The following RGP1 variants were observed in gnomAD, a reference collection of about 807,000 sequenced individuals.
RGP1 encodes the protein RGP1 partner of RAB6A GEF complex, also known as RAB6A-GEF complex partner protein 2.
Under a neutral mutation model 44.5 loss-of-function variants are expected in RGP1, and 28 were observed. The ratio of observed to expected loss-of-function variants is 0.63; its 90% confidence interval spans 0.47 to 0.86. The LOEUF is 0.86. Among genes scored for constraint, RGP1 ranks in the 40% least tolerant of loss-of-function variants. The pLI is 0.00. For missense variants in RGP1, 417 were observed against 490.7 expected (o/e 0.85, Z 1.42); for synonymous variants, 212 against 196.7 (o/e 1.08, Z -0.65).
chr9:35,787,705 G>A, the RGP1 span, among the ~76,000 whole-genome samples: 3 of 152,230 alleles, frequency 2.0e-5, no homozygotes, highest in African/African-American at 7.2e-5. Flanking sequence ...AATAAAGAAT[G>A]CAGAATTTGA....
In RGP1 at chr9:35,752,182, G is replaced by A. The variant is rs1432241738; in HGVS notation, c.952+37G>A. On this transcript the variant is annotated intron_variant, in intron 8 of 8. Transcript: ENST00000378078. ...ACTGTTACTGGAGAAGGGAGAGGGG[G>A]ACAGTAAAATGCTGTGCTAAGGGAG... is the stretch of plus-strand genomic sequence containing the variant. 8 of 1,511,550 alleles carry A rather than the reference G, an allele frequency of 5.3e-6. No individual in the cohort carries two copies. The East Asian group carries it at 1.6e-4, about 30-fold the overall frequency. The allele number at this position is 1,511,550 out of a possible 1,614,324, so 93.6% of individuals were successfully genotyped here.
Position 35,752,943 on chromosome 9 carries a change from C to A in RGP1, c.*69C>A. The stretch of plus-strand genomic sequence containing the variant: ...TCAGCACCTGGACTCTAATGGGACC[C>A]ACTTTTTCCACCTGGGGTCCAATGT... On this transcript the variant is annotated 3_prime_UTR_variant, in exon 9 of 9. Transcript: ENST00000378078. 6.4e-7 allele frequency: 1 copy of A among 1,551,386 alleles called. No individual in the cohort carries two copies. The highest frequency in any genetic ancestry group is 1.8e-5 in the Admixed American group (1 of 55,102).
rs376390951 is a variant in RGP1, at chr9:35,750,885, G to A, written c.383G>A (p.Arg128Gln). 2.9e-5 allele frequency: 46 copies of A among 1,613,840 alleles called. No individual in the cohort carries two copies. The highest frequency in any genetic ancestry group is 1.8e-4 in the South Asian group (16 of 91,086). Reference sequence around the variant, plus strand: ...CCCATAGAGGGACCACCCTCCTTTCGGGGTCAGTCAGTCAAGTACGTCTAC... The same window carrying A: ...CCCATAGAGGGACCACCCTCCTTTCAGGGTCAGTCAGTCAAGTACGTCTAC... ...VLPIEGPPSF[R>Q]GQSVKYVYKL... The change falls in exon 5 of 9, where the codon CGG becomes CAG. Residue 128 changes from arginine (R) to glutamine (Q), a missense_variant. By Grantham distance (43) the Arg-to-Gln change is conservative. Coordinates refer to ENST00000378078, the MANE Select transcript of RGP1 (RefSeq NM_001080496.3).
At chr9:35,766,802 T>C in the RGP1 span, among the ~76,000 whole-genome samples, 2 of 152,234 alleles carry the variant, frequency 1.3e-5, no homozygotes, top group Non-Finnish European at 2.9e-5. Flanking sequence ...TATCTTCATC[T>C]AATATTGATT....
At chr9:35,785,307 G>C in the RGP1 span, among the ~76,000 whole-genome samples, 4 of 152,090 alleles carry the variant, frequency 2.6e-5, no homozygotes, top group African/African-American at 9.7e-5. Context: ...ACTACTGTTT[G>C]AAGGCTGCTG....
the RGP1 span, among the ~76,000 whole-genome samples, chr9:35,766,119 C>G: frequency 6.9e-6 from 1 of 145,966 alleles, no homozygotes; most frequent in African/African-American, 2.6e-5. Context: ...CATGAGCCAC[C>G]GTGCCGGCCT....
In RGP1 at chr9:35,753,047, C is replaced by T; in HGVS notation, c.*173C>T. 1.3e-6 allele frequency: 2 copies of T among 1,595,552 alleles called. No individual in the cohort carries two copies. The highest frequency in any genetic ancestry group is 1.7e-6 in the Non-Finnish European group (2 of 1,167,140). On this transcript the variant is annotated 3_prime_UTR_variant, in exon 9 of 9. Transcript: ENST00000378078. The surrounding 1 kb of genome is among the most constrained non-coding windows in gnomAD (Gnocchi z 4.2). ...ATACATTGGCAGCTGCTAGTGGTTT[C>T]CCTGGAAGTGGCAGCAGCAGTGAGC...
chr9:35,783,293 A>T, the RGP1 span, among the ~76,000 whole-genome samples: 8 of 152,172 alleles, frequency 5.3e-5, no homozygotes, highest in African/African-American at 1.9e-4. Context: ...GACAATTAGT[A>T]TCTCAAAAAT....
At chr9:35,761,075 G>T (rs892212355), downstream of RGP1, among the ~76,000 whole-genome samples, 2 of 152,366 alleles carry the variant, frequency 1.3e-5, no homozygotes, top group East Asian at 3.9e-4. Flanking sequence ...GATTTATGGG[G>T]TGGGTAGGAT....
At position 35,751,651 on chromosome 9, in the gene RGP1, G is replaced by A. The variant is rs548662432; in HGVS notation, c.659G>A (p.Arg220Gln). Reference protein sequence around the residue: ...SLHLYNISDGRGKVGTFGIFK... With the variant: ...SLHLYNISDGQGKVGTFGIFK... ...GATCTATACAATATCAGTGATGGCC[G>A]AGGGAAAGTTGGGACGTTTGGCATC... The change falls in exon 7 of 9, where the codon CGA becomes CAA. Residue 220 changes from arginine (R) to glutamine (Q), a missense_variant. Arg to Gln is a conservative substitution (Grantham distance 43). Coordinates refer to ENST00000378078, the MANE Select transcript of RGP1 (RefSeq NM_001080496.3). The A allele has an allele frequency of 1.6e-5, 26 of 1,613,980 alleles. No homozygotes were observed. In the South Asian group the frequency reaches 1.6e-4, roughly 10 times the overall value.
rs1237711303 is a variant in RGP1 at position 35,753,618 on chromosome 9, T to G, written c.*744T>G. 6.7e-7 allele frequency: 1 copy of G among 1,501,134 alleles called. No individual in the cohort carries two copies. The allele number at this position is 1,501,134 out of a possible 1,614,324, so 93.0% of individuals were successfully genotyped here. A position where few individuals can be genotyped will look rare whatever the true frequency, so the allele number is the denominator to read the frequency against. On this transcript the variant is annotated 3_prime_UTR_variant, in exon 9 of 9. Coordinates refer to ENST00000378078, the MANE Select transcript of RGP1 (RefSeq NM_001080496.3). The surrounding 1 kb of genome is among the most constrained non-coding windows in gnomAD (Gnocchi z 4.2). ...CACTCCCTGGTCATCCCTCAGTCAC[T>G]CATATCAGAGTCATTCTCTCTGGCC...
the RGP1 span, among the ~76,000 whole-genome samples, chr9:35,778,331 T>C: frequency 1.3e-5 from 2 of 152,062 alleles, no homozygotes; most frequent in African/African-American, 2.4e-5. Context: ...TGATAGATAA[T>C]GAAAAAACTG....
chr9:35,764,108 AC>A, the RGP1 span, among the ~76,000 whole-genome samples: 5 of 151,920 alleles, frequency 3.3e-5, no homozygotes, highest in Admixed American at 2.6e-4. Flanking sequence ...ACAGAGTGAG[AC>A]CCTGTCTTGA....
chr9:35,774,466 G>A, the RGP1 span, among the ~76,000 whole-genome samples: 1 of 152,232 alleles, frequency 6.6e-6, no homozygotes, highest in African/African-American at 2.4e-5. Flanking sequence ...GGTGGCTCAC[G>A]CCTGTAATCC....
chr9:35,752,022 G>A lies in RGP1; in HGVS notation c.829G>A (p.Gly277Ser). Residue 277 changes from glycine to serine, a missense_variant, in exon 8 of 9, where the codon GGT becomes AGT. Physicochemically the swap from Gly to Ser is moderately conservative, Grantham distance 56 (BLOSUM62 0). Coordinates refer to ENST00000378078, the MANE Select transcript of RGP1 (RefSeq NM_001080496.3). ...PEYQRRRGAG[G>S]VPSVSHVTHA... ...GTACCAGCGGCGACGTGGGGCAGGGGGTGTCCCCTCTGTGTCACATGTGAC... is the reference window on the plus strand; with the variant it reads ...GTACCAGCGGCGACGTGGGGCAGGGAGTGTCCCCTCTGTGTCACATGTGAC... 6.2e-7 allele frequency: 1 copy of A among 1,609,794 alleles called. No homozygotes were observed.
At chr9:35,778,289 C>T in the RGP1 span, among the ~76,000 whole-genome samples, 7 of 151,986 alleles carry the variant, frequency 4.6e-5, no homozygotes, top group African/African-American at 1.7e-4. Context: ...GCAACAAGAG[C>T]GAAATTCTGT....
chr9:35,783,835 A>G, the RGP1 span, among the ~76,000 whole-genome samples: 1 of 152,194 alleles, frequency 6.6e-6, no homozygotes, highest in Non-Finnish European at 1.5e-5. Flanking sequence ...ATAATATGGT[A>G]GTTCTATTTT....
At chr9:35,767,283 GTTT>G in the RGP1 span, among the ~76,000 whole-genome samples, 7 of 108,414 alleles carry the variant, frequency 6.5e-5, no homozygotes, top group Non-Finnish European at 9.1e-5. Context: ...AAGCAAATTG[GTTT>G]TTTTTTTTTT....
chr9:35,760,426 A>G (rs1940204901), downstream of RGP1, among the ~76,000 whole-genome samples: 1 of 152,216 alleles, frequency 6.6e-6, no homozygotes, highest in Non-Finnish European at 1.5e-5. Context: ...AGATGTGACA[A>G]CCAAAATGTC....
Sources: gnomAD v4.1 joint callset for allele counts (sites outside exome capture counted in the v4.1 genomes callset) on GRCh38, gnomAD v4.1.1 for gene constraint, Gnocchi (gnomAD v3.1) non-coding constraint, MANE v1.5 for transcripts, NCBI Gene and HGNC (gene_info 2026-07-23, HGNC 2026-07-21) for gene names.